The following SLC38A6 variants were observed in gnomAD, a reference collection of about 807,000 sequenced individuals.
The protein encoded by SLC38A6 is solute carrier family 38 member 6.
Under a neutral mutation model 65.0 loss-of-function variants are expected in SLC38A6, and 73 were observed. That is an observed-to-expected ratio of 1.12 (90% CI 0.93 to 1.37). The LOEUF is 1.37. Among genes scored for constraint, SLC38A6 ranks in the 40% most tolerant of loss-of-function variants. The pLI, the probability that SLC38A6 is intolerant of heterozygous loss-of-function variation, is 0.00. For missense variants in SLC38A6, 561 were observed against 531.1 expected (o/e 1.06, Z -0.55); for synonymous variants, 183 against 178.8 (o/e 1.02, Z -0.19).
chr14:61,070,595 A>G (rs547397829), intron 15 of SLC38A6, among the ~76,000 whole-genome samples: 2 of 152,320 alleles, frequency 1.3e-5, no homozygotes, highest in East Asian at 1.9e-4. Context: ...TTGCTGTATC[A>G]TATGGTAGTT....
intron 6 of SLC38A6, 99 bp from the exon 7 acceptor site, chr14:61,036,960 C>CTGTGTG (rs34977105): frequency 0.093 from 40,638 of 435,404 alleles, 1,329 homozygotes; most frequent in Non-Finnish European, 0.11. Flanking sequence ...GGTTATAACT[C>CTGTGTG]TGTGTGTGTG....
intron 3 of SLC38A6, among the ~76,000 whole-genome samples, chr14:60,995,570 C>G (rs1445386199): frequency 6.6e-6 from 1 of 151,310 alleles, no homozygotes; most frequent in African/African-American, 2.4e-5. Flanking sequence ...TGAAAATTTG[C>G]CAAGAGAGTA....
intron 15 of SLC38A6, among the ~76,000 whole-genome samples, chr14:61,057,978 A>AT (rs1191753414): frequency 7.4e-6 from 1 of 135,914 alleles, no homozygotes; most frequent in African/African-American, 2.8e-5. Flanking sequence ...CCCCTTTATC[A>AT]TTTTTTATTG....
intron 3 of SLC38A6, among the ~76,000 whole-genome samples, chr14:61,013,583 A>G (rs1259105524): frequency 6.6e-6 from 1 of 152,128 alleles, no homozygotes; most frequent in South Asian, 2.1e-4. Flanking sequence ...GGGTCTGGTG[A>G]TGACAAAATC....
At chr14:61,015,814 T>G in intron 3 of SLC38A6, 90 bp from the exon 4 acceptor site, 2 of 947,950 alleles carry the variant, frequency 2.1e-6, no homozygotes, top group Non-Finnish European at 3.1e-6. Context: ...TTATACTGTA[T>G]TTAGTTTGTA....
intron 8 of SLC38A6, among the ~76,000 whole-genome samples, chr14:61,040,551 G>A (rs763102000): frequency 1.3e-5 from 2 of 152,066 alleles, no homozygotes; most frequent in African/African-American, 2.4e-5. Flanking sequence ...GTGTTAGCCA[G>A]GATGGTCTCG....
intron 6 of SLC38A6, chr14:61,030,773 G>A (rs2040933892): frequency 3.2e-6 from 1 of 312,008 alleles, no homozygotes; most frequent in African/African-American, 2.2e-5. Context: ...ATTCCTTGGG[G>A]GTGTGAGATA....
chr14:61,050,785 C>T lies in SLC38A6; in HGVS notation c.1050+149C>T, dbSNP rs1040837995. The T allele has an allele frequency of 1.1e-5, 7 of 658,640 alleles. No homozygotes were observed. The African/African-American group carries it at 1.3e-4, about 12-fold the overall frequency. The allele number at this position is 658,640 out of a possible 1,614,324, so 40.8% of individuals were successfully genotyped here. On this transcript the variant is annotated intron_variant, in intron 13 of 15. Transcript: ENST00000267488. ...TAATTGATCAAAGACTTCATACTTG[C>T]ATATGGCCCCGTAAAAGCATAAAAA...
chr14:61,051,630 G>A (rs377711999), intron 13 of SLC38A6, among the ~76,000 whole-genome samples, 157 bp from the exon 14 acceptor site: 6 of 152,212 alleles, frequency 3.9e-5, no homozygotes, highest in African/African-American at 1.4e-4. Context: ...AACAGTTTAT[G>A]TGTATAAATA....
chr14:61,083,095 C>T (rs2043720577), intron 16 of SLC38A6, among the ~76,000 whole-genome samples: 1 of 152,220 alleles, frequency 6.6e-6, no homozygotes, highest in Non-Finnish European at 1.5e-5. Flanking sequence ...ACCATTTCCT[C>T]CTGCTCTGAG....
chr14:61,031,686 A>G (rs533666318), intron 6 of SLC38A6, among the ~76,000 whole-genome samples: 3 of 152,090 alleles, frequency 2.0e-5, no homozygotes, highest in South Asian at 4.1e-4. Flanking sequence ...AGGTTGATAA[A>G]CAATTCCTAT....
chr14:61,024,378 T>G (rs1202353441), intron 5 of SLC38A6, among the ~76,000 whole-genome samples: 1 of 152,232 alleles, frequency 6.6e-6, no homozygotes, highest in Admixed American at 6.5e-5. Context: ...AGGCTCAACA[T>G]TGGCTAGAGC....
intron 3 of SLC38A6, among the ~76,000 whole-genome samples, chr14:61,003,844 C>T (rs1268104395): frequency 1.3e-5 from 2 of 152,084 alleles, no homozygotes; most frequent in Non-Finnish European, 2.9e-5. Context: ...ATGGCAGTGA[C>T]AGAAAGGAAT....
Position 60,997,948 on chromosome 14 carries a change from A to G in SLC38A6, c.310+13145A>G, listed in dbSNP as rs144037499. ...CTTAGAACTGAAGCACAGGCTAGAA[A>G]TTCATTCATTCAATACTCTTGTCTA... is the stretch of plus-strand genomic sequence containing the variant. On this transcript the variant is annotated intron_variant, in intron 3 of 15. Transcript: ENST00000267488. Among the ~76,000 whole-genome samples the G allele has an allele frequency of 2.8e-4, 42 of 152,246 alleles. 2 individuals carry two copies. The East Asian group carries it at 8.1e-3, about 29-fold the overall frequency.
At chr14:61,072,090 G>A (rs2043247621) in intron 15 of SLC38A6, among the ~76,000 whole-genome samples, 1 of 152,162 alleles carries the variant, frequency 6.6e-6, no homozygotes, top group African/African-American at 2.4e-5. Context: ...TTGGTGTCTG[G>A]TGAGGGCCTT....
chr14:61,036,167 A>G (rs2041350525), intron 6 of SLC38A6, among the ~76,000 whole-genome samples: 1 of 152,168 alleles, frequency 6.6e-6, no homozygotes, highest in Non-Finnish European at 1.5e-5. Context: ...TTTTTAATGC[A>G]TCCATGTTTT....
At chr14:61,046,315 G>C (rs1352058308) in intron 12 of SLC38A6, 148 bp downstream of exon 12, 1 of 453,242 alleles carries the variant, frequency 2.2e-6, no homozygotes, top group African/African-American at 2.0e-5. Context: ...GGCTCTTGAG[G>C]CCTAAACAAT....
At chr14:61,007,397 A>G (rs902218393) in intron 3 of SLC38A6, among the ~76,000 whole-genome samples, 1 of 152,172 alleles carries the variant, frequency 6.6e-6, no homozygotes, top group African/African-American at 2.4e-5. Context: ...TGTGAGGCCA[A>G]GGTAGGAGGA....
rs142616076 is a variant in SLC38A6 at position 61,014,406 on chromosome 14, G to C, written c.311-1498G>C. Among the ~76,000 whole-genome samples the C allele has an allele frequency of 3.1e-3, 472 of 152,246 alleles. 2 individuals are homozygous for C. Among genetic ancestry groups the C allele is most frequent in the African/African-American group, 0.011 (443 of 41,560 alleles). On this transcript the variant is annotated intron_variant, in intron 3 of 15. Coordinates refer to ENST00000267488, the MANE Select transcript of SLC38A6 (RefSeq NM_153811.3). The stretch of plus-strand genomic sequence containing the variant: ...ACTCGTCAAAGTCATTCTCCATCCA[G>C]CTTTGTTCCATTGATGGTGAGGAGC...
Sources: gnomAD v4.1 joint callset for allele counts (sites outside exome capture counted in the v4.1 genomes callset) on GRCh38, gnomAD v4.1.1 for gene constraint, MANE v1.5 for transcripts, NCBI Gene and HGNC (gene_info 2026-07-23, HGNC 2026-07-21) for gene names.